SPAG11A: variants seen among roughly 807,000 people sequenced by gnomAD.
SPAG11A encodes sperm associated antigen 11A.
A neutral mutation model predicts 5.5 loss-of-function variants in SPAG11A; 2 were observed. That is an observed-to-expected ratio of 0.37 (90% confidence interval 0.15 to 1.15). SPAG11A has a LOEUF of 1.15. Among genes scored for constraint, SPAG11A ranks in the 50% most tolerant of loss-of-function variants. The pLI is 0.38. For missense variants in SPAG11A, 24 were observed against 122.5 expected (o/e 0.20, Z 3.80); for synonymous variants, 11 against 42.7 (o/e 0.26, Z 2.90).
chr8:7,852,610 G>C (rs550720898), intron 2 of SPAG11A, among the ~76,000 whole-genome samples: 17 of 152,248 alleles, frequency 1.1e-4, no homozygotes, highest in Middle Eastern at 3.4e-3. Flanking sequence ...TGGAATTACA[G>C]GCGTGAGCCA....
Position 7,858,544 on chromosome 8 carries a change from C to T in SPAG11A, c.215-2102C>T, listed in dbSNP as rs1388994879. ...CTCTTCATAAATAGGTGAATTTTGC[C>T]AAATTTTTGGAATAATGTGGTACGT... On this transcript the variant is annotated intron_variant, in intron 2 of 2. Coordinates refer to ENST00000642566, the Ensembl canonical transcript of SPAG11A. 4.4e-4 allele frequency among the ~76,000 whole-genome samples: 41 copies of T among 92,824 alleles called. 4 individuals carry two copies. The highest frequency in any genetic ancestry group is 8.9e-4 in the South Asian group (2 of 2,240). The allele number at this position is 92,824 out of a possible 152,430, so 60.9% of individuals were successfully genotyped here. A position where few individuals can be genotyped will look rare whatever the true frequency, so the allele number is the denominator to read the frequency against.
downstream of SPAG11A, chr8:7,863,709 G>C: frequency 8.1e-7 from 1 of 1,230,202 alleles, no homozygotes; most frequent in African/African-American, 1.5e-5. Context: ...GCTGTGCTCC[G>C]TGGACTGGCT....
downstream of SPAG11A, among the ~76,000 whole-genome samples, chr8:7,862,025 A>G (rs569514465): frequency 2.0e-5 from 2 of 101,326 alleles, 1 homozygote; most frequent in East Asian, 6.2e-4. Flanking sequence ...ATGCCTCTAG[A>G]GGGGAGAGCC....
chr8:7,858,546 A>C (rs1488519669), intron 2 of SPAG11A, among the ~76,000 whole-genome samples: 1 of 93,406 alleles, frequency 1.1e-5, no homozygotes, highest in African/African-American at 2.9e-5. Context: ...AATTTTGCCA[A>C]ATTTTTGGAA....
chr8:7,858,583 T>A (rs1413733489), intron 2 of SPAG11A, among the ~76,000 whole-genome samples: 1 of 93,604 alleles, frequency 1.1e-5, no homozygotes, highest in African/African-American at 2.9e-5. Flanking sequence ...CTCTGTTTTT[T>A]TTTTCTTTCA....
intron 2 of SPAG11A, among the ~76,000 whole-genome samples, chr8:7,852,691 A>G (rs574803175): frequency 1.5e-3 from 222 of 150,286 alleles, no homozygotes; most frequent in African/African-American, 4.9e-3. Flanking sequence ...AACCTTACAT[A>G]TTCTTTCCTC....
chr8:7,863,685 T>A, downstream of SPAG11A: 1 of 1,403,168 alleles, frequency 7.1e-7, no homozygotes, highest in Non-Finnish European at 1.0e-6. Flanking sequence ...TGACTAAGCC[T>A]GGACTGCCTC....
chr8:7,852,200 T>A (rs1817945632), intron 2 of SPAG11A, among the ~76,000 whole-genome samples: 2 of 151,264 alleles, frequency 1.3e-5, no homozygotes, highest in Non-Finnish European at 3.0e-5. Context: ...CTTGCAGATA[T>A]CAGTCTGGCA....
In SPAG11A at chr8:7,857,627, C is replaced by CTT. The variant is rs200821380; in HGVS notation, c.215-3011_215-3010dup. Among the ~76,000 whole-genome samples, 5 of 81,596 alleles carry CTT rather than the reference C, an allele frequency of 6.1e-5. 1 individual carries two copies. Among genetic ancestry groups the CTT allele is most frequent in the South Asian group, 5.5e-4 (1 of 1,806 alleles). 53.5% of individuals were successfully genotyped at this position (81,596 alleles called of 152,430 possible). ...TTTAAGGTAACTTTTTTTTTTCTCT[C>CTT]TTTTTTTTTGATGGAGGGTCAAAAG... On this transcript the variant is annotated intron_variant, in intron 2 of 2. Transcript: ENST00000642566.
downstream of SPAG11A, among the ~76,000 whole-genome samples, chr8:7,861,309 T>C (rs540585312): frequency 3.9e-4 from 56 of 143,320 alleles, no homozygotes; most frequent in Admixed American, 1.3e-3. Flanking sequence ...TTTCAAGCAT[T>C]TACTCTTAGG....
At chr8:7,863,768 C>G, downstream of SPAG11A, 2 of 596,802 alleles carry the variant, frequency 3.4e-6, no homozygotes, top group East Asian at 2.9e-5. Context: ...AGTGCGAGGA[C>G]AAATAAAAGT....
At chr8:7,859,922 A>T (rs1188165816) in intron 2 of SPAG11A, among the ~76,000 whole-genome samples, 1 of 144,678 alleles carries the variant, frequency 6.9e-6, no homozygotes, top group Non-Finnish European at 1.5e-5. Flanking sequence ...CCAAGCTGTG[A>T]CAGGGCTGAG....
intron 2 of SPAG11A, 192 bp from the exon 3 acceptor site, chr8:7,860,454 T>A: frequency 7.0e-7 from 1 of 1,418,756 alleles, no homozygotes; most frequent in Non-Finnish European, 9.5e-7. Flanking sequence ...CCTATCATCC[T>A]CCTGGCAACA....
chr8:7,857,462 T>TTTTTTTAA (rs1818075840), intron 2 of SPAG11A, among the ~76,000 whole-genome samples: 1 of 74,144 alleles, frequency 1.3e-5, no homozygotes, highest in South Asian at 6.8e-4. Flanking sequence ...TTTTTTTTTT[T>TTTTTTTAA]TGAGAGATTT....
At chr8:7,863,664 G>C (rs868868043), downstream of SPAG11A, 2 of 1,485,194 alleles carry the variant, frequency 1.3e-6, no homozygotes, top group African/African-American at 2.7e-5. Context: ...CTCACCCACG[G>C]TCTGTGGCTC....
chr8:7,852,656 A>G (rs373271541), intron 2 of SPAG11A, among the ~76,000 whole-genome samples: 8,100 of 146,398 alleles, frequency 0.055, 38 homozygotes, highest in African/African-American at 0.18. Context: ...ATTCTTATCC[A>G]TGTACATGTG....
intron 2 of SPAG11A, among the ~76,000 whole-genome samples, chr8:7,852,575 T>TGAG (rs1817972265): frequency 2.0e-5 from 3 of 151,836 alleles, no homozygotes; most frequent in Non-Finnish European, 2.9e-5. Flanking sequence ...TCAGGTGATC[T>TGAG]GTCCGCCTCG....
downstream of SPAG11A, among the ~76,000 whole-genome samples, chr8:7,861,441 A>G (rs1818211990): frequency 6.8e-6 from 1 of 146,712 alleles, no homozygotes; most frequent in Non-Finnish European, 1.5e-5. Context: ...CAGGCTAGCA[A>G]TTCATAAATG....
intron 2 of SPAG11A, among the ~76,000 whole-genome samples, chr8:7,852,937 G>T: frequency 2.6e-5 from 1 of 38,236 alleles, no homozygotes; most frequent in African/African-American, 6.1e-5. Flanking sequence ...TCTTATATTT[G>T]CAAATAGTCC....
Sources: gnomAD v4.1 joint callset for allele counts (sites outside exome capture counted in the v4.1 genomes callset) on GRCh38, gnomAD v4.1.1 for gene constraint, MANE v1.5 for transcripts, NCBI Gene and HGNC (gene_info 2026-07-23, HGNC 2026-07-21) for gene names.